Variants in SLC8A1 observed in about 807,000 individuals in gnomAD.
The protein encoded by SLC8A1 is solute carrier family 8 member A1, also known as sodium/calcium exchanger 1.
A neutral mutation model predicts 68.3 loss-of-function variants in SLC8A1; 18 were observed. That is an observed-to-expected ratio of 0.26 (90% CI 0.18 to 0.39). The LOEUF (loss-of-function observed/expected upper bound fraction) is 0.39, where lower values mean the gene tolerates loss of function less well. Ranked by LOEUF, SLC8A1 falls within the 10% of genes least tolerant of loss-of-function variation. The pLI, the probability that SLC8A1 is intolerant of heterozygous loss-of-function variation, is 1.00. For synonymous variants in SLC8A1, 475 were observed against 415.5 expected, an observed-to-expected ratio of 1.14 and a Z score of -1.74; for missense variants, 985 against 1,156.7, an observed-to-expected ratio of 0.85 and a Z score of 2.15.
At chr2:40,427,662 A>G (rs879774965) in intron 2 of SLC8A1, among the ~76,000 whole-genome samples, 12 of 152,122 alleles carry the variant, frequency 7.9e-5, no homozygotes, top group African/African-American at 1.2e-4. Context: ...GGTACTTCAT[A>G]TTACTACATG....
intron 2 of SLC8A1, among the ~76,000 whole-genome samples, chr2:40,234,155 T>G (rs2060051353): frequency 6.6e-6 from 1 of 152,204 alleles, no homozygotes; most frequent in Non-Finnish European, 1.5e-5. Flanking sequence ...GGTGGCTTGA[T>G]GGGGATGGCA....
In SLC8A1 at chr2:40,161,262, G is replaced by A. The variant is rs79615325; in HGVS notation, c.2062-398C>T. ...CAGCACTACATATCTGCGAATAGCC[G>A]GAAGTGACAGATTATGGAACCAAAA... On this transcript the variant is annotated intron_variant, in intron 5 of 7. Coordinates refer to ENST00000406785, the Ensembl canonical transcript of SLC8A1. Among the ~76,000 whole-genome samples, 72 of 152,182 alleles carry A rather than the reference G, an allele frequency of 4.7e-4. No homozygotes were observed. The South Asian group carries it at 8.9e-3, about 19-fold the overall frequency.
At chr2:40,434,411 T>C (rs1306508583) in intron 1 of SLC8A1, among the ~76,000 whole-genome samples, 1 of 152,200 alleles carries the variant, frequency 6.6e-6, no homozygotes, top group Admixed American at 6.5e-5. Context: ...GTTATCTAAA[T>C]GTGAGTTCCT....
At chr2:40,475,536 T>C (rs1340323044) in intron 1 of SLC8A1, among the ~76,000 whole-genome samples, 1 of 152,142 alleles carries the variant, frequency 6.6e-6, no homozygotes, top group Non-Finnish European at 1.5e-5. Context: ...AAATATTTAG[T>C]TTTTAATTCA....
At chr2:40,201,794 G>A (rs2054419133) in intron 2 of SLC8A1, among the ~76,000 whole-genome samples, 1 of 151,908 alleles carries the variant, frequency 6.6e-6, no homozygotes, top group African/African-American at 2.4e-5. Flanking sequence ...TACCATCAAG[G>A]CCACAGAGGT....
upstream of SLC8A1, among the ~76,000 whole-genome samples, chr2:40,456,044 C>T (rs957756828): frequency 1.3e-5 from 2 of 152,152 alleles, no homozygotes; most frequent in East Asian, 1.9e-4. Flanking sequence ...GGGCTGGGCG[C>T]GGTGGCTCAC....
intron 4 of SLC8A1, among the ~76,000 whole-genome samples, chr2:40,171,347 A>G (rs2148514719): frequency 6.6e-6 from 1 of 152,334 alleles, no homozygotes; most frequent in Admixed American, 6.5e-5. Flanking sequence ...TAGAGGAGTA[A>G]TATTAAATAG....
intron 2 of SLC8A1, among the ~76,000 whole-genome samples, chr2:40,196,980 G>A (rs1307654698): frequency 2.0e-5 from 3 of 151,998 alleles, no homozygotes; most frequent in Non-Finnish European, 4.4e-5. Flanking sequence ...TCTGCAGAGG[G>A]GGTGTTCTTT....
intron 1 of SLC8A1, among the ~76,000 whole-genome samples, chr2:40,474,030 T>C (rs1407044202): frequency 6.6e-6 from 1 of 152,196 alleles, no homozygotes; most frequent in Non-Finnish European, 1.5e-5. Flanking sequence ...TTACATGATC[T>C]AGAACATTCC....
rs568924477 is a variant in SLC8A1 at position 40,431,179 on chromosome 2, G to A, written c.-24-875C>T. ...GCAGGCTGGAAAGGGAGATAAACAG[G>A]CCAAGGCCTAGTTGTGGGTAAGCGC... On this transcript the variant is annotated intron_variant, in intron 1 of 7. Transcript: ENST00000406785. Among the ~76,000 whole-genome samples the A allele has an allele frequency of 4.0e-5, 6 of 151,894 alleles. No homozygotes were observed. In the East Asian group the frequency reaches 9.8e-4, roughly 25 times the overall value.
chr2:40,124,865 T>C (rs2037726965), intron 7 of SLC8A1, among the ~76,000 whole-genome samples: 1 of 152,270 alleles, frequency 6.6e-6, no homozygotes, highest in Non-Finnish European at 1.5e-5. Context: ...AAGCAGGTTA[T>C]GTAACTATGC....
intron 2 of SLC8A1, among the ~76,000 whole-genome samples, chr2:40,218,678 T>C (rs1183325550): frequency 6.6e-6 from 1 of 152,108 alleles, no homozygotes; most frequent in African/African-American, 2.4e-5. Context: ...TGATTACATT[T>C]ATCTAGTGAC....
intron 2 of SLC8A1, among the ~76,000 whole-genome samples, chr2:40,206,293 G>A (rs930573624): frequency 2.0e-5 from 3 of 151,984 alleles, no homozygotes; most frequent in Admixed American, 6.6e-5. Flanking sequence ...TCAACTTCTA[G>A]AATCAAAAGA....
chr2:40,457,392 T>A (rs1390984777), intron 1 of SLC8A1, among the ~76,000 whole-genome samples: 1 of 152,166 alleles, frequency 6.6e-6, no homozygotes, highest in African/African-American at 2.4e-5. Context: ...ATGATATATA[T>A]CTCCCTCGCT....
intron 2 of SLC8A1, among the ~76,000 whole-genome samples, chr2:40,200,509 C>T (rs1007038310): frequency 6.6e-6 from 1 of 150,628 alleles, no homozygotes; most frequent in African/African-American, 2.4e-5. Flanking sequence ...GGCCAGAATC[C>T]ATATGGGCTC....
At chr2:40,129,116 A>G (rs1454111226) in intron 7 of SLC8A1, among the ~76,000 whole-genome samples, 1 of 152,242 alleles carries the variant, frequency 6.6e-6, no homozygotes, top group African/African-American at 2.4e-5. Flanking sequence ...ATGTACTACA[A>G]ATGGATGCAT....
At chr2:40,486,210 T>C (rs938902675) in intron 1 of SLC8A1, among the ~76,000 whole-genome samples, 1 of 152,194 alleles carries the variant, frequency 6.6e-6, no homozygotes, top group Admixed American at 6.5e-5. Flanking sequence ...TGATTGTAAA[T>C]TTCCTGAGGT....
At chr2:40,388,266 G>C (rs1242881985) in intron 2 of SLC8A1, among the ~76,000 whole-genome samples, 1 of 152,060 alleles carries the variant, frequency 6.6e-6, no homozygotes, top group African/African-American at 2.4e-5. Flanking sequence ...AAACCATTTG[G>C]AAATGTTTTA....
chr2:40,100,110 G>A (rs573019598), exon 8 of SLC8A1: 1 of 152,140 alleles, frequency 6.6e-6, no homozygotes, highest in South Asian at 2.1e-4. Context: ...ACTGACCTAC[G>A]AAAACCACCA....
Sources: gnomAD v4.1 joint callset for allele counts (sites outside exome capture counted in the v4.1 genomes callset) on GRCh38, gnomAD v4.1.1 for gene constraint, MANE v1.5 for transcripts, NCBI Gene and HGNC (gene_info 2026-07-23, HGNC 2026-07-21) for gene names.